Variants in FRMPD2 observed in about 807,000 individuals in gnomAD.
FRMPD2 encodes FERM and PDZ domain-containing protein 2.
In FRMPD2, 96 loss-of-function variants were observed where a neutral mutation model predicts 140.1. That is an observed-to-expected ratio of 0.69 (90% CI 0.58 to 0.81). FRMPD2 has a LOEUF of 0.81. FRMPD2 is among the 40% of genes least tolerant of loss of function. FRMPD2 has a pLI of 0.00. For synonymous variants in FRMPD2, 449 were observed against 547.6 expected (o/e 0.82, Z 2.52); for missense variants, 1,240 against 1,447.4 (o/e 0.86, Z 2.32).
At chr10:48,253,057 A>T (rs1022772444) in intron 1 of FRMPD2, among the ~76,000 whole-genome samples, 5 of 152,318 alleles carry the variant, frequency 3.3e-5, no homozygotes, top group South Asian at 2.1e-4. Context: ...GAAGACCATG[A>T]TTCTTATACA....
intron 15 of FRMPD2, among the ~76,000 whole-genome samples, chr10:48,195,563 C>T (rs544206513): frequency 1.1e-4 from 17 of 152,240 alleles, no homozygotes; most frequent in African/African-American, 4.1e-4. Context: ...TTGAGATTGG[C>T]ACTTGGGAAA....
In FRMPD2 at chr10:48,264,510, T is replaced by G. The variant is rs7478148; in HGVS notation, c.25+10033A>C. On this transcript the variant is annotated intron_variant, in intron 1 of 28. Transcript: ENST00000374201. Reference sequence around the variant, plus strand: ...AGCAATGACAACTGAAATGTGAAATTATAAACACAATATCAATTATTATAT... The same window carrying G: ...AGCAATGACAACTGAAATGTGAAATGATAAACACAATATCAATTATTATAT... Among the ~76,000 whole-genome samples, 300 of 152,194 alleles carry G rather than the reference T, an allele frequency of 2.0e-3. 6 individuals carry two copies. Among genetic ancestry groups the G allele is most frequent in the Admixed American group, 0.017 (262 of 15,292 alleles).
intron 1 of FRMPD2, among the ~76,000 whole-genome samples, chr10:48,252,978 C>T (rs1331958626): frequency 6.6e-6 from 1 of 151,776 alleles, no homozygotes; most frequent in African/African-American, 2.4e-5. Context: ...ATTCCTATTC[C>T]ACCACATTTT....
intron 1 of FRMPD2, among the ~76,000 whole-genome samples, chr10:48,260,676 C>T (rs761790074): frequency 7.2e-5 from 11 of 152,178 alleles, no homozygotes; most frequent in African/African-American, 2.4e-4. Flanking sequence ...CATAAATGCT[C>T]TCACTAAAGG....
chr10:48,226,960 C>G (rs1355239753), intron 10 of FRMPD2, among the ~76,000 whole-genome samples: 1 of 152,104 alleles, frequency 6.6e-6, no homozygotes, highest in Admixed American at 6.6e-5. Flanking sequence ...AGGATGGGAC[C>G]CTAAGAGGCT....
intron 2 of FRMPD2, 32 bp from the exon 3 acceptor site, chr10:48,249,210 A>C: frequency 6.2e-7 from 1 of 1,604,572 alleles, no homozygotes; most frequent in Non-Finnish European, 8.5e-7. Context: ...GGCTGTAGAG[A>C]CAGAGCTTCC....
chr10:48,232,188 TC>T lies in FRMPD2; in HGVS notation c.1094del (p.Gly365GlufsTer7). On this transcript the variant is annotated frameshift_variant, in exon 10 of 29. Coordinates refer to ENST00000374201, the MANE Select transcript of FRMPD2 (RefSeq NM_001018071.4). LOFTEE classifies it high-confidence loss of function. ...EVKCDVESTVGAVFNAVTSFA... is the reference protein window; with the variant it reads ...EVKCDVESTVXAVFNAVTSFA... Reference sequence around the variant, plus strand: ...AGGATGTCACGGCATTGAAGACAGCTCCCACTGTTGATTCAACATCACATTT... The same window carrying T: ...AGGATGTCACGGCATTGAAGACAGCTCCACTGTTGATTCAACATCACATTT... 6.2e-7 allele frequency: 1 copy of T among 1,614,144 alleles called. No homozygotes were observed.
intron 3 of FRMPD2, among the ~76,000 whole-genome samples, chr10:48,245,624 T>C (rs946833442): frequency 2.6e-5 from 4 of 152,226 alleles, no homozygotes; most frequent in African/African-American, 9.6e-5. Context: ...ACTTACAATA[T>C]ACCAGGCCTT....
intron 26 of FRMPD2, among the ~76,000 whole-genome samples, chr10:48,170,479 C>T (rs1838210998): frequency 6.6e-6 from 1 of 152,180 alleles, no homozygotes; most frequent in Non-Finnish European, 1.5e-5. Flanking sequence ...AGCTTCCTAA[C>T]AACCTGCCCA....
At chr10:48,197,177 T>A (rs562753623) in intron 15 of FRMPD2, among the ~76,000 whole-genome samples, 1 of 152,314 alleles carries the variant, frequency 6.6e-6, no homozygotes, top group Admixed American at 6.5e-5. Flanking sequence ...TCAGCAATTT[T>A]GTTTCCCAGT....
intron 20 of FRMPD2, among the ~76,000 whole-genome samples, chr10:48,182,425 G>C (rs992767856): frequency 6.6e-6 from 1 of 152,338 alleles, no homozygotes; most frequent in South Asian, 2.1e-4. Flanking sequence ...ATTTATTGTA[G>C]ACCATGACAG....
At chr10:48,261,773 T>A (rs978875244) in intron 1 of FRMPD2, among the ~76,000 whole-genome samples, 1 of 152,078 alleles carries the variant, frequency 6.6e-6, no homozygotes, top group Non-Finnish European at 1.5e-5. Flanking sequence ...AGCAACAACA[T>A]CTTGGGTGAT....
chr10:48,251,557 C>T lies in FRMPD2; in HGVS notation c.151+9G>A, dbSNP rs1840381980. The T allele has an allele frequency of 6.3e-7, 1 of 1,586,750 alleles. No homozygotes were observed. The highest frequency in any genetic ancestry group is 1.7e-5 in the Admixed American group (1 of 58,978). ...CCTGTGATTTGACTGCCCCCAAACA[C>T]TCTCTTACCGTTGCGGAGGTCTTCC... On this transcript the variant is annotated intron_variant, in intron 2 of 28. Coordinates refer to ENST00000374201, the MANE Select transcript of FRMPD2 (RefSeq NM_001018071.4).
chr10:48,223,217 C>T lies in FRMPD2; in HGVS notation c.1222G>A (p.Glu408Lys). 6.2e-7 allele frequency: 1 copy of T among 1,613,988 alleles called. No homozygotes were observed. Among genetic ancestry groups the T allele is most frequent in the African/African-American group, 1.3e-5 (1 of 75,036 alleles). ...SETRLCKIAP[E>K]GWREQPQKTS... ...TTCTGAGGCTGCTCTCTCCAGCCTTCAGGAGCTATTTTGCACAATCTGGTT... is the reference window on the plus strand; with the variant it reads ...TTCTGAGGCTGCTCTCTCCAGCCTTTAGGAGCTATTTTGCACAATCTGGTT... Residue 408 changes from glutamate to lysine, a missense_variant, in exon 11 of 29, where the codon GAA (glutamate) becomes AAA (lysine). Around this residue, in one of 6 missense-constraint regions of FRMPD2, gnomAD observed 1,161 missense variants for 1,055.9 expected, o/e 1.10. Coordinates refer to ENST00000374201, the MANE Select transcript of FRMPD2 (RefSeq NM_001018071.4).
At chr10:48,187,078 A>C in intron 17 of FRMPD2, 114 bp downstream of exon 17, 1 of 656,082 alleles carries the variant, frequency 1.5e-6, no homozygotes, top group Non-Finnish European at 2.6e-6. Context: ...TCAAAAAACA[A>C]GAAGGTTACA....
In FRMPD2 at chr10:48,238,050, C is replaced by T. The variant is rs373231008; in HGVS notation, c.862G>A (p.Ala288Thr). The change falls in exon 8 of 29, where the codon GCA becomes ACA. Residue 288 changes from alanine (A) to threonine (T), a missense_variant. Transcript: ENST00000374201. The part of the protein sequence containing the change: ...RLSSGSVHSA[A>T]DSSWPTTPSQ... ...GGAGTTGTTGGCCATGAGCTGTCTG[C>T]TGCCGAGTGCACAGATCCAGAGCTG... The T allele has an allele frequency of 9.1e-5, 147 of 1,613,980 alleles. No individual in the cohort carries two copies. The highest frequency in any genetic ancestry group is 1.6e-4 in the Middle Eastern group (1 of 6,082).
chr10:48,261,612 T>C (rs1449706411), intron 1 of FRMPD2, among the ~76,000 whole-genome samples: 3 of 152,076 alleles, frequency 2.0e-5, no homozygotes, highest in Non-Finnish European at 2.9e-5. Flanking sequence ...AACTTCTGAG[T>C]ATATTGGTCA....
intron 5 of FRMPD2, among the ~76,000 whole-genome samples, chr10:48,241,227 C>T (rs1253767448): frequency 2.6e-5 from 4 of 152,178 alleles, no homozygotes; most frequent in African/African-American, 4.8e-5. Context: ...ACTGTTGCCG[C>T]TGTCCACCCT....
At chr10:48,231,645 G>A (rs1371499685) in intron 10 of FRMPD2, among the ~76,000 whole-genome samples, 2 of 152,158 alleles carry the variant, frequency 1.3e-5, no homozygotes, top group South Asian at 2.1e-4. Context: ...TGGAGAGCCT[G>A]TCTCTCTCCA....
Sources: allele counts gnomAD v4.1 joint callset (sites outside exome capture counted in the v4.1 genomes callset), GRCh38; gene constraint gnomAD v4.1.1; regional missense constraint gnomAD v4.1.1; transcripts MANE v1.5; gene names NCBI Gene and HGNC (gene_info 2026-07-23, HGNC 2026-07-21).